The following NFYB variants were observed in gnomAD, a reference collection of about 807,000 sequenced individuals.
NFYB encodes nuclear transcription factor Y subunit beta.
In NFYB, 13 loss-of-function variants were observed where a neutral mutation model predicts 28.0. The ratio of observed to expected loss-of-function variants is 0.46; its 90% CI spans 0.30 to 0.74. The LOEUF is 0.74. Among genes scored for constraint, NFYB ranks in the 30% least tolerant of loss-of-function variants. The probability of loss-of-function intolerance (pLI) is 0.07; values close to 1 mark genes in which losing one functional copy is unlikely to be tolerated. For missense variants in NFYB, 142 were observed against 247.6 expected (o/e 0.57, Z 2.86); for synonymous variants, 74 against 75.0 (o/e 0.99, Z 0.07).
intron 6 of NFYB, 58 bp downstream of exon 6, chr12:104,121,178 TTAGA>T: frequency 7.5e-7 from 1 of 1,331,496 alleles, no homozygotes; most frequent in Non-Finnish European, 1.1e-6. Flanking sequence ...AAAAATACCA[TTAGA>T]TACTTAGTAT....
Position 104,135,375 on chromosome 12 carries a change from T to C in NFYB, c.6+73A>G, listed in dbSNP as rs970237157. On this transcript the variant is annotated intron_variant, in intron 2 of 7. Coordinates refer to ENST00000240055, the MANE Select transcript of NFYB (RefSeq NM_006166.4). Reference sequence around the variant, plus strand: ...TTCTACCAGGCACCTCCAGTATAAATTGGTTACAATTTTATTTCCAGCCAA... The same window carrying C: ...TTCTACCAGGCACCTCCAGTATAAACTGGTTACAATTTTATTTCCAGCCAA... 15 of 1,376,392 alleles carry C rather than the reference T, an allele frequency of 1.1e-5. No homozygotes were observed. In the African/African-American group the frequency reaches 1.2e-4, roughly 11 times the overall value. 85.3% of individuals were successfully genotyped at this position (1,376,392 alleles called of 1,614,324 possible).
At chr12:104,120,717 C>A (rs2030440196) in intron 6 of NFYB, among the ~76,000 whole-genome samples, 1 of 152,046 alleles carries the variant, frequency 6.6e-6, no homozygotes, top group Admixed American at 6.6e-5. Flanking sequence ...AGCTAACTGC[C>A]CATGTGTACA....
chr12:104,123,147 G>C (rs2030543760), intron 5 of NFYB, 79 bp downstream of exon 5: 2 of 1,121,912 alleles, frequency 1.8e-6, no homozygotes, highest in African/African-American at 3.2e-5. Context: ...CTGTACTCCA[G>C]CCTGGGCAAC....
chr12:104,121,552 A>T (rs1299289302), intron 5 of NFYB, among the ~76,000 whole-genome samples: 1 of 152,236 alleles, frequency 6.6e-6, no homozygotes, highest in Non-Finnish European at 1.5e-5. Flanking sequence ...AAAGCAAAGT[A>T]TTTACAGATA....
intron 2 of NFYB, chr12:104,131,561 G>T: frequency 5.7e-6 from 2 of 349,940 alleles, no homozygotes; most frequent in Non-Finnish European, 1.1e-5. Context: ...CACTCAATAA[G>T]TCAACCTAAT....
chr12:104,135,647 C>T (rs2031073422), intron 1 of NFYB, 115 bp from the exon 2 acceptor site: 1 of 428,550 alleles, frequency 2.3e-6, no homozygotes, highest in Non-Finnish European at 4.1e-6. Context: ...ATAATTTTGA[C>T]TACTATTCTT....
At position 104,121,463 on chromosome 12, in the gene NFYB, C is replaced by A. The variant is rs2030471021; in HGVS notation, c.430-142G>T. 19 of 667,266 alleles carry A rather than the reference C, an allele frequency of 2.8e-5. 1 individual carries two copies. In the South Asian group the frequency reaches 3.5e-4, roughly 12 times the overall value. The allele number at this position is 667,266 out of a possible 1,614,324, so 41.3% of individuals were successfully genotyped here. On this transcript the variant is annotated intron_variant, in intron 5 of 7. Transcript: ENST00000240055. Reference sequence around the variant, plus strand: ...ATTTATTAACACTTCTGGTTAATTACATATGAAGAAGGCTTTCAGAAGGCT... The same window carrying A: ...ATTTATTAACACTTCTGGTTAATTAAATATGAAGAAGGCTTTCAGAAGGCT...
rs765786379 is a variant in NFYB at position 104,119,726 on chromosome 12, A to G, written c.*11T>C. 1 of 1,595,832 alleles carries G rather than the reference A, an allele frequency of 6.3e-7. No individual in the cohort carries two copies. Among genetic ancestry groups the G allele is most frequent in the Non-Finnish European group, 8.6e-7 (1 of 1,164,654 alleles). On this transcript the variant is annotated 3_prime_UTR_variant, in exon 8 of 8. Transcript: ENST00000240055. ...ATTTCTCTACACTCCCCATTCCATCATTTCTTCAGATCATGAAAACTGAAT... is the reference window on the plus strand; with the variant it reads ...ATTTCTCTACACTCCCCATTCCATCGTTTCTTCAGATCATGAAAACTGAAT...
chr12:104,120,486 GA>G lies in NFYB; in HGVS notation c.512-8del. 13 of 1,606,662 alleles carry G rather than the reference GA, an allele frequency of 8.1e-6. No individual in the cohort carries two copies. Among genetic ancestry groups the G allele is most frequent in the South Asian group, 1.1e-5 (1 of 90,790 alleles). On this transcript the variant is annotated splice_polypyrimidine_tract_variant and splice_region_variant and intron_variant, in intron 6 of 7. Coordinates refer to ENST00000240055, the MANE Select transcript of NFYB (RefSeq NM_006166.4). ...CCAGCTGGTAACTGGTTAGCTAAAA[GA>G]AAAAAAATTAGTTAAAGAGGGAAAT... is the stretch of plus-strand genomic sequence containing the variant.
chr12:104,120,497 A>C lies in NFYB; in HGVS notation c.512-18T>G, dbSNP rs1354128524. 6.3e-7 allele frequency: 1 copy of C among 1,578,750 alleles called. No homozygotes were observed. The highest frequency in any genetic ancestry group is 1.3e-5 in the African/African-American group (1 of 74,264). On this transcript the variant is annotated intron_variant, in intron 6 of 7. Coordinates refer to ENST00000240055, the MANE Select transcript of NFYB (RefSeq NM_006166.4). The stretch of plus-strand genomic sequence containing the variant: ...CTGGTTAGCTAAAAGAAAAAAAATT[A>C]GTTAAAGAGGGAAATGAACTATATC...
intron 3 of NFYB, among the ~76,000 whole-genome samples, chr12:104,126,611 C>T (rs1421121503): frequency 1.3e-5 from 2 of 151,762 alleles, no homozygotes; most frequent in East Asian, 3.9e-4. Flanking sequence ...TTTTATTATT[C>T]CTCATTTCTC....
chr12:104,121,557 C>T (rs1422091198), intron 5 of NFYB, among the ~76,000 whole-genome samples: 1 of 152,092 alleles, frequency 6.6e-6, no homozygotes, highest in Non-Finnish European at 1.5e-5. Context: ...AAAGTATTTA[C>T]AGATAAAAAT....
chr12:104,121,888 T>TA (rs2030490360), intron 5 of NFYB, among the ~76,000 whole-genome samples: 1 of 152,208 alleles, frequency 6.6e-6, no homozygotes, highest in African/African-American at 2.4e-5. Flanking sequence ...ACACTAAAGA[T>TA]ATTAAGAATA....
At chr12:104,132,055 TA>T (rs1206255911) in intron 2 of NFYB, among the ~76,000 whole-genome samples, 1 of 152,176 alleles carries the variant, frequency 6.6e-6, no homozygotes, top group Non-Finnish European at 1.5e-5. Flanking sequence ...CAGTAAGTGG[TA>T]TATATAGCTA....
chr12:104,125,609 T>A (rs909146090), intron 4 of NFYB, among the ~76,000 whole-genome samples: 5 of 151,936 alleles, frequency 3.3e-5, no homozygotes, highest in Non-Finnish European at 7.4e-5. Flanking sequence ...AGCACTTTGG[T>A]AGGCCAAGGC....
At chr12:104,122,741 G>A (rs962527550) in intron 5 of NFYB, among the ~76,000 whole-genome samples, 5 of 152,028 alleles carry the variant, frequency 3.3e-5, no homozygotes, top group African/African-American at 1.2e-4. Context: ...ACAGGTCCCT[G>A]GTGCCAAAAA....
chr12:104,120,586 CAAT>C (rs1239796083), intron 6 of NFYB, 107 bp from the exon 7 acceptor site: 2 of 759,676 alleles, frequency 2.6e-6, no homozygotes, highest in Admixed American at 2.1e-5. Context: ...TGCCCGGTAT[CAAT>C]GATGTAGTCT....
chr12:104,122,724 C>T (rs1280870141), intron 5 of NFYB, among the ~76,000 whole-genome samples: 3 of 152,160 alleles, frequency 2.0e-5, no homozygotes, highest in African/African-American at 7.2e-5. Flanking sequence ...AAATTGCTTT[C>T]CACAAAACAG....
chr12:104,124,214 GATAAC>G (rs376018428), intron 4 of NFYB, among the ~76,000 whole-genome samples: 26 of 152,318 alleles, frequency 1.7e-4, no homozygotes, highest in African/African-American at 5.3e-4. Flanking sequence ...AGAGAGAAAT[GATAAC>G]ATACGGTGAC....
Sources: gnomAD v4.1 joint callset for allele counts (sites outside exome capture counted in the v4.1 genomes callset) on GRCh38, gnomAD v4.1.1 for gene constraint, MANE v1.5 for transcripts, NCBI Gene and HGNC (gene_info 2026-07-23, HGNC 2026-07-21) for gene names.